ZFYVE28: variants seen among roughly 807,000 people sequenced by gnomAD.
The protein encoded by ZFYVE28 is lateral signaling target protein 2 homolog.
A neutral mutation model predicts 82.1 loss-of-function variants in ZFYVE28; 40 were observed. The ratio of observed to expected loss-of-function variants is 0.49; its 90% confidence interval spans 0.38 to 0.63. ZFYVE28 has a LOEUF of 0.63. ZFYVE28 is among the 30% of genes least tolerant of loss of function. The probability of loss-of-function intolerance (pLI) is 0.00; values close to 1 mark genes in which losing one functional copy is unlikely to be tolerated. For synonymous variants in ZFYVE28, 612 were observed against 546.1 expected (o/e 1.12, Z -1.68); for missense variants, 1,321 against 1,242.1 (o/e 1.06, Z -0.96).
intron 8 of ZFYVE28, among the ~76,000 whole-genome samples, chr4:2,292,777 G>A (rs868851117): frequency 6.6e-6 from 1 of 152,230 alleles, no homozygotes; most frequent in South Asian, 2.1e-4. Flanking sequence ...CCAGAAACCC[G>A]AAGAGGTGGA....
chr4:2,297,688 C>G (rs1442923261), intron 8 of ZFYVE28, among the ~76,000 whole-genome samples: 1 of 152,232 alleles, frequency 6.6e-6, no homozygotes, highest in Non-Finnish European at 1.5e-5. Flanking sequence ...AGTGGGGTGA[C>G]ACGGTGATAT....
At position 2,374,448 on chromosome 4, in the gene ZFYVE28, T is replaced by A. The variant is rs1727895992; in HGVS notation, c.40-20375A>T. On this transcript the variant is annotated intron_variant, in intron 1 of 12. Coordinates refer to ENST00000290974, the MANE Select transcript of ZFYVE28 (RefSeq NM_020972.3). Reference sequence around the variant, plus strand: ...ACAACACAGTGAGACCTCATCTCTATAAAAAAAAACAAAAATTAGCTGGAT... The same window carrying A: ...ACAACACAGTGAGACCTCATCTCTAAAAAAAAAAACAAAAATTAGCTGGAT... 6.6e-5 allele frequency among the ~76,000 whole-genome samples: 10 copies of A among 150,538 alleles called. No individual in the cohort carries two copies. The South Asian group carries it at 2.1e-3, about 32-fold the overall frequency.
chr4:2,359,874 T>G (rs1022692418), intron 1 of ZFYVE28, among the ~76,000 whole-genome samples: 1 of 152,020 alleles, frequency 6.6e-6, no homozygotes, highest in Non-Finnish European at 1.5e-5. Context: ...CTCAAATCTG[T>G]GGGCCTGTAC....
intron 8 of ZFYVE28, chr4:2,285,831 G>A (rs1417013191): frequency 6.6e-6 from 1 of 152,432 alleles, no homozygotes; most frequent in Non-Finnish European, 1.5e-5. Flanking sequence ...GGGATCTCAG[G>A]GCTGCCCCGC....
At chr4:2,353,630 C>A (rs1724796947) in intron 2 of ZFYVE28, among the ~76,000 whole-genome samples, 1 of 152,130 alleles carries the variant, frequency 6.6e-6, no homozygotes, top group African/African-American at 2.4e-5. Flanking sequence ...CTGGGCAGGC[C>A]CACCCCTCCC....
intron 2 of ZFYVE28, among the ~76,000 whole-genome samples, chr4:2,350,387 C>T (rs1724216735): frequency 6.6e-6 from 1 of 151,808 alleles, no homozygotes; most frequent in Admixed American, 6.6e-5. Flanking sequence ...TGGTGTGAAC[C>T]TGGGAGGCGG....
chr4:2,309,475 T>C (rs1717178752), intron 7 of ZFYVE28, among the ~76,000 whole-genome samples: 1 of 152,256 alleles, frequency 6.6e-6, no homozygotes, highest in African/African-American at 2.4e-5. Flanking sequence ...CTTATTTTTG[T>C]ATATTGATGT....
intron 1 of ZFYVE28, among the ~76,000 whole-genome samples, chr4:2,386,204 G>A (rs1305385339): frequency 6.6e-6 from 1 of 152,034 alleles, no homozygotes; most frequent in African/African-American, 2.4e-5. Flanking sequence ...GGTGGGGCTG[G>A]CTGCACGCAG....
At chr4:2,276,510 A>C (rs963809599) in intron 8 of ZFYVE28, among the ~76,000 whole-genome samples, 1 of 152,220 alleles carries the variant, frequency 6.6e-6, no homozygotes, top group African/African-American at 2.4e-5. Flanking sequence ...ACTCGGACAG[A>C]TACTTGCACG....
At position 2,335,793 on chromosome 4, in the gene ZFYVE28, CCCTGTCCGGGGA is replaced by C; in HGVS notation, c.612-11_612del. ...TGAGTCAGGTACCCGAAGTCCAGGGCCCTGTCCGGGGAGACGGACAGTGAGCAGCATGAGGGC... is the reference window on the plus strand; with the variant it reads ...TGAGTCAGGTACCCGAAGTCCAGGGCGACGGACAGTGAGCAGCATGAGGGC... On this transcript the variant is annotated splice_acceptor_variant and splice_polypyrimidine_tract_variant and coding_sequence_variant and intron_variant, in exon 6 of 13. Transcript: ENST00000290974. LOFTEE classifies it high-confidence loss of function. This position sits in a 1 kb window ranked among gnomAD's most constrained non-coding sequence, Gnocchi z 5.8. 4 of 1,559,048 alleles carry C rather than the reference CCCTGTCCGGGGA, an allele frequency of 2.6e-6. No individual in the cohort carries two copies. The highest frequency in any genetic ancestry group is 2.6e-6 in the Non-Finnish European group (3 of 1,151,158).
At position 2,311,369 on chromosome 4, in the gene ZFYVE28, C is replaced by CA. The variant is rs763145052; in HGVS notation, c.804-5834dup. ...TGAAACCCTGTCTTTACTAAAAGTA[C>CA]AAAAAAATTAGCTGGGTGTGGTGGC... On this transcript the variant is annotated intron_variant, in intron 7 of 12. Transcript: ENST00000290974. Among the ~76,000 whole-genome samples the CA allele has an allele frequency of 2.6e-4, 39 of 151,900 alleles. No individual in the cohort carries two copies. The East Asian group carries it at 2.9e-3, about 11-fold the overall frequency.
chr4:2,329,144 T>C (rs1214302756), intron 6 of ZFYVE28: 2 of 697,692 alleles, frequency 2.9e-6, no homozygotes, highest in African/African-American at 3.5e-5. Context: ...TTTCCATTTC[T>C]GCAAAACAAA....
intron 8 of ZFYVE28, among the ~76,000 whole-genome samples, chr4:2,291,965 G>T (rs1247166503): frequency 6.6e-6 from 1 of 152,168 alleles, no homozygotes; most frequent in Non-Finnish European, 1.5e-5. Flanking sequence ...GTCTCAATGG[G>T]CCAGGCTCCA....
chr4:2,333,306 C>G (rs1721026173), intron 6 of ZFYVE28, among the ~76,000 whole-genome samples: 1 of 146,034 alleles, frequency 6.8e-6, no homozygotes, highest in African/African-American at 2.6e-5. Context: ...CTGGCCTCCC[C>G]TACCCTGATC....
intron 1 of ZFYVE28, among the ~76,000 whole-genome samples, chr4:2,367,981 A>G (rs3128819): frequency 0.67 from 101,251 of 151,886 alleles, 34,108 homozygotes; most frequent in East Asian, 0.8. Context: ...GTGTCCAGGT[A>G]GCTCCAGCCA....
intron 2 of ZFYVE28, among the ~76,000 whole-genome samples, chr4:2,349,981 C>G (rs530999481): frequency 6.6e-6 from 1 of 151,940 alleles, no homozygotes; most frequent in Non-Finnish European, 1.5e-5. Flanking sequence ...GCTCTCACCA[C>G]TTCTATTCAA....
intron 6 of ZFYVE28, among the ~76,000 whole-genome samples, chr4:2,334,801 TCCCCCTCCCCTCTTC>T (rs1242567096): frequency 8.2e-5 from 1 of 12,244 alleles, no homozygotes; most frequent in Non-Finnish European, 1.2e-4. Context: ...CCTCCCCTCT[TCCCCCTCCCCTCTTC>T]CCCCTCCCCT....
At chr4:2,393,884 C>A (rs575517523) in intron 1 of ZFYVE28, among the ~76,000 whole-genome samples, 1 of 152,186 alleles carries the variant, frequency 6.6e-6, no homozygotes, top group Non-Finnish European at 1.5e-5. Context: ...ACAAACTCCA[C>A]GGCTTAAGAT....
rs1719872849 is a variant in ZFYVE28, at chr4:2,326,554, A to G, written c.702-6283T>C. On this transcript the variant is annotated intron_variant, in intron 6 of 12. Transcript: ENST00000290974. The stretch of plus-strand genomic sequence containing the variant: ...TTTATGGTTCTATATGAATTATAGG[A>G]TTTTTTTCTCTTTCCATAAAAAAAA... 2.0e-5 allele frequency among the ~76,000 whole-genome samples: 3 copies of G among 152,122 alleles called. No homozygotes were observed. In the South Asian group the frequency reaches 6.2e-4, roughly 32 times the overall value.
Sources: allele counts gnomAD v4.1 joint callset (sites outside exome capture counted in the v4.1 genomes callset), GRCh38; gene constraint gnomAD v4.1.1; non-coding constraint Gnocchi (gnomAD v3.1); transcripts MANE v1.5; gene names NCBI Gene and HGNC (gene_info 2026-07-23, HGNC 2026-07-21).